Variants in CBLN4 observed in about 807,000 individuals in gnomAD.
CBLN4 encodes the protein cerebellin 4 precursor, also known as cerebellin-4.
Under a neutral mutation model 14.9 loss-of-function variants are expected in CBLN4, and 7 were observed. That is an observed-to-expected ratio of 0.47 (90% confidence interval 0.27 to 0.88). CBLN4 has a LOEUF of 0.88. CBLN4 is among the 40% of genes least tolerant of loss of function. The pLI, the probability that CBLN4 is intolerant of heterozygous loss-of-function variation, is 0.14. For synonymous variants in CBLN4, 131 were observed against 116.5 expected (o/e 1.12, Z -0.80); for missense variants, 188 against 256.8 (o/e 0.73, Z 1.83).
intron 2 of CBLN4, 96 bp downstream of exon 2, chr20:56,000,635 T>A: frequency 1.9e-6 from 1 of 519,062 alleles, no homozygotes; most frequent in Non-Finnish European, 3.3e-6. Flanking sequence ...ATTTCTATTG[T>A]GGAAACACAA....
rs1986294122 is a variant in CBLN4, at chr20:55,997,357, A to G, written c.*1200T>C. On this transcript the variant is annotated 3_prime_UTR_variant, in exon 3 of 3. Coordinates refer to ENST00000064571, the MANE Select transcript of CBLN4 (RefSeq NM_080617.6). ...AGAAAAAAGGAGCAAAGAAGGAAGAAAGGGTTAAGAAGAGACAAAGTAAGA... is the reference window on the plus strand; with the variant it reads ...AGAAAAAAGGAGCAAAGAAGGAAGAGAGGGTTAAGAAGAGACAAAGTAAGA... 6.6e-6 allele frequency: 1 copy of G among 152,404 alleles called. No homozygotes were observed. The highest frequency in any genetic ancestry group is 2.4e-5 in the African/African-American group (1 of 41,376). The allele number at this position is 152,404 out of a possible 1,614,324, so 9.4% of individuals were successfully genotyped here.
rs1020365212 is a variant in CBLN4, at chr20:56,004,178, C to T, written c.-7G>A. The T allele has an allele frequency of 8.2e-6, 12 of 1,456,172 alleles. No homozygotes were observed. The highest frequency in any genetic ancestry group is 1.1e-5 in the Non-Finnish European group (12 of 1,110,168). The allele number at this position is 1,456,172 out of a possible 1,614,324, so 90.2% of individuals were successfully genotyped here. A position where few individuals can be genotyped will look rare whatever the true frequency, so the allele number is the denominator to read the frequency against. ...CCCGGCGCCCGGAGCCCATGGTGAG[C>T]CGTGTGGGCAGCCGCAGCCGGCTGG... On this transcript the variant is annotated 5_prime_UTR_variant, in exon 1 of 3. Transcript: ENST00000064571. This position sits in a 1 kb window ranked among gnomAD's most constrained non-coding sequence, Gnocchi z 6.1.
In CBLN4 at chr20:55,997,699, G is replaced by GA. The variant is rs11439533; in HGVS notation, c.*857dup. The GA allele has an allele frequency of 0.23, 32,328 of 142,866 alleles. 9,398 individuals are homozygous for GA. Among genetic ancestry groups the GA allele is most frequent in the African/African-American group, 0.67 (27,189 of 40,294 alleles). 8.8% of individuals were successfully genotyped at this position (142,866 alleles called of 1,614,324 possible). On this transcript the variant is annotated 3_prime_UTR_variant, in exon 3 of 3. Coordinates refer to ENST00000064571, the MANE Select transcript of CBLN4 (RefSeq NM_080617.6). ...AGTTAATAAAGTGGTCATGTCTACG[G>GA]AAAAAAAAAAAACCTTAGGTTTTTA... is the stretch of plus-strand genomic sequence containing the variant.
chr20:56,000,411 G>A (rs1986349217), intron 2 of CBLN4, among the ~76,000 whole-genome samples: 1 of 152,078 alleles, frequency 6.6e-6, no homozygotes, highest in Non-Finnish European at 1.5e-5. Flanking sequence ...AGTAATTCTT[G>A]TACATGCATT....
Position 56,005,137 on chromosome 20 carries a change from G to C in CBLN4, c.-966C>G, listed in dbSNP as rs1018849348. ...CGTTTAACGCACCCCAAAGCAAGCG[G>C]GGCGCACAGCACTGGTGATTGGCAA... On this transcript the variant is annotated 5_prime_UTR_variant, in exon 1 of 3. Coordinates refer to ENST00000064571, the MANE Select transcript of CBLN4 (RefSeq NM_080617.6). The C allele has an allele frequency of 6.6e-5, 10 of 152,538 alleles. No homozygotes were observed. Among genetic ancestry groups the C allele is most frequent in the African/African-American group, 2.4e-4 (10 of 41,596 alleles). The allele number at this position is 152,538 out of a possible 1,614,324, so 9.4% of individuals were successfully genotyped here.
At chr20:56,001,690 T>C (rs1254691804) in intron 1 of CBLN4, among the ~76,000 whole-genome samples, 1 of 152,180 alleles carries the variant, frequency 6.6e-6, no homozygotes, top group Non-Finnish European at 1.5e-5. Context: ...TATTTGAAGT[T>C]CAAGGTTCAA....
chr20:56,004,317 C>G lies in CBLN4; in HGVS notation c.-146G>C. 1 of 720,348 alleles carries G rather than the reference C, an allele frequency of 1.4e-6. No homozygotes were observed. The highest frequency in any genetic ancestry group is 2.1e-6 in the Non-Finnish European group (1 of 483,394). 44.6% of individuals were successfully genotyped at this position (720,348 alleles called of 1,614,324 possible). ...ACGGCGGCGGCGGCGCGCACACTTC[C>G]ACCAATTCTGTGGCTTGAAGTCAAA... On this transcript the variant is annotated 5_prime_UTR_variant, in exon 1 of 3. Transcript: ENST00000064571. This position sits in a 1 kb window ranked among gnomAD's most constrained non-coding sequence, Gnocchi z 6.1.
At chr20:56,000,972 T>C (rs115562131) in intron 1 of CBLN4, 125 bp from the exon 2 acceptor site, 111 of 444,964 alleles carry the variant, frequency 2.5e-4, no homozygotes, top group African/African-American at 2.2e-3. Context: ...ATTCCTTCCT[T>C]CCTCTTTCTT....
chr20:55,999,737 T>C (rs7273595), intron 2 of CBLN4, among the ~76,000 whole-genome samples: 3 of 152,142 alleles, frequency 2.0e-5, no homozygotes, highest in Non-Finnish European at 4.4e-5. Context: ...TGACAGATAA[T>C]TAGAATCAAC....
chr20:56,002,099 C>T (rs1986384087), intron 1 of CBLN4, among the ~76,000 whole-genome samples: 2 of 152,178 alleles, frequency 1.3e-5, no homozygotes, highest in Non-Finnish European at 2.9e-5. Context: ...CTCTGGGCAA[C>T]ATACCAGAAT....
At chr20:55,998,798 G>T (rs778492060) in intron 2 of CBLN4, 44 bp from the exon 3 acceptor site, 7 of 1,417,214 alleles carry the variant, frequency 4.9e-6, no homozygotes, top group Non-Finnish European at 7.0e-6. Flanking sequence ...TCTCTTTAAA[G>T]TCAAAACATC....
In CBLN4 at chr20:56,003,866, C is replaced by A. The variant is rs377354435; in HGVS notation, c.291+15G>T. The A allele has an allele frequency of 5.7e-6, 9 of 1,578,228 alleles. No homozygotes were observed. The highest frequency in any genetic ancestry group is 2.3e-5 in the South Asian group (2 of 85,722). On this transcript the variant is annotated intron_variant, in intron 1 of 2. Coordinates refer to ENST00000064571, the MANE Select transcript of CBLN4 (RefSeq NM_080617.6). ...CCGCCCACCCCCTAGGTGCTCGCTTCCCCCCGGGTCTGACCTGATCGAAGT... is the reference window on the plus strand; with the variant it reads ...CCGCCCACCCCCTAGGTGCTCGCTTACCCCCGGGTCTGACCTGATCGAAGT...
chr20:55,998,379 C>T lies in CBLN4; in HGVS notation c.*178G>A. On this transcript the variant is annotated 3_prime_UTR_variant, in exon 3 of 3. Coordinates refer to ENST00000064571, the MANE Select transcript of CBLN4 (RefSeq NM_080617.6). ...CCCAATCCAAATATACTGAAACAGA[C>T]ACACACAAATAATCTGTGAAATTTT... is the stretch of plus-strand genomic sequence containing the variant. 1.5e-6 allele frequency: 1 copy of T among 651,592 alleles called. No individual in the cohort carries two copies. Among genetic ancestry groups the T allele is most frequent in the East Asian group, 2.7e-5 (1 of 36,494 alleles). 40.4% of individuals were successfully genotyped at this position (651,592 alleles called of 1,614,324 possible).
At chr20:56,001,336 C>G (rs1354277658) in intron 1 of CBLN4, among the ~76,000 whole-genome samples, 1 of 152,200 alleles carries the variant, frequency 6.6e-6, no homozygotes, top group African/African-American at 2.4e-5. Flanking sequence ...TCCAAGCCAG[C>G]CAATCAGCAT....
chr20:56,000,687 C>A, intron 2 of CBLN4, 44 bp downstream of exon 2: 1 of 944,240 alleles, frequency 1.1e-6, no homozygotes, highest in South Asian at 2.0e-5. Context: ...TAAAGATAAG[C>A]ACAGTTGGTT....
In CBLN4 at chr20:55,997,374, AAAGT is replaced by A. The variant is rs773684182; in HGVS notation, c.*1179_*1182del. 2.0e-5 allele frequency: 3 copies of A among 152,536 alleles called. No homozygotes were observed. Among genetic ancestry groups the A allele is most frequent in the Admixed American group, 6.5e-5 (1 of 15,272 alleles). 9.4% of individuals were successfully genotyped at this position (152,536 alleles called of 1,614,324 possible). The stretch of plus-strand genomic sequence containing the variant: ...AAGGAAGAAAGGGTTAAGAAGAGAC[AAAGT>A]AAGAGGAAATAAATAATGTAGAATA... On this transcript the variant is annotated 3_prime_UTR_variant, in exon 3 of 3. Transcript: ENST00000064571.
At chr20:56,002,344 C>T (rs748757872) in intron 1 of CBLN4, among the ~76,000 whole-genome samples, 4 of 152,130 alleles carry the variant, frequency 2.6e-5, no homozygotes, top group Non-Finnish European at 5.9e-5. Context: ...GTGGTGACTT[C>T]CTGATTCAGA....
chr20:55,999,971 C>G (rs192364402), intron 2 of CBLN4, among the ~76,000 whole-genome samples: 41 of 152,300 alleles, frequency 2.7e-4, no homozygotes, highest in African/African-American at 9.4e-4. Flanking sequence ...AGCATGTAAT[C>G]TATCATTCAT....
Position 55,997,825 on chromosome 20 carries a change from C to G in CBLN4, c.*732G>C, listed in dbSNP as rs1227706956. The G allele has an allele frequency of 6.6e-6, 1 of 152,526 alleles. No homozygotes were observed. Among genetic ancestry groups the G allele is most frequent in the East Asian group, 1.9e-4 (1 of 5,202 alleles). 9.4% of individuals were successfully genotyped at this position (152,526 alleles called of 1,614,324 possible). On this transcript the variant is annotated 3_prime_UTR_variant, in exon 3 of 3. Coordinates refer to ENST00000064571, the MANE Select transcript of CBLN4 (RefSeq NM_080617.6). ...TTTGCTGAGGCTCAGGGATTGAGCA[C>G]TTAGATTTTGGGTAAGCAACTTTTT...
Sources: gnomAD v4.1 joint callset for allele counts (sites outside exome capture counted in the v4.1 genomes callset) on GRCh38, gnomAD v4.1.1 for gene constraint, Gnocchi (gnomAD v3.1) non-coding constraint, MANE v1.5 for transcripts, NCBI Gene and HGNC (gene_info 2026-07-23, HGNC 2026-07-21) for gene names.